KDM5A: variants seen among roughly 807,000 people sequenced by gnomAD.
KDM5A encodes lysine demethylase 5A, also known as lysine-specific demethylase 5A.
A neutral mutation model predicts 193.5 loss-of-function variants in KDM5A; 42 were observed. The ratio of observed to expected loss-of-function variants is 0.22; its 90% CI spans 0.17 to 0.28. KDM5A has a LOEUF of 0.28. KDM5A is among the 10% of genes least tolerant of loss of function. The pLI, the probability that KDM5A is intolerant of heterozygous loss-of-function variation, is 1.00. For synonymous variants in KDM5A, 796 were observed against 718.1 expected (o/e 1.11, Z -1.73); for missense variants, 1,692 against 2,055.1 (o/e 0.82, Z 3.42).
At chr12:292,700 G>C (rs1411998926) in intron 27 of KDM5A, 59 bp downstream of exon 27, 2 of 1,607,270 alleles carry the variant, frequency 1.2e-6, no homozygotes, top group African/African-American at 2.7e-5. Flanking sequence ...TCAAACATGT[G>C]TCTCCACAAC....
At chr12:340,795 T>C (rs1943995145) in intron 10 of KDM5A, among the ~76,000 whole-genome samples, 1 of 146,202 alleles carries the variant, frequency 6.8e-6, no homozygotes, top group Admixed American at 6.9e-5. Context: ...AGGTTAAAAG[T>C]AATATGTTAC....
chr12:331,186 T>C (rs1943862016), intron 13 of KDM5A, among the ~76,000 whole-genome samples: 1 of 152,156 alleles, frequency 6.6e-6, no homozygotes. Flanking sequence ...GCTACGTATT[T>C]GAAAATATGG....
In KDM5A at chr12:311,061, C is replaced by T. The variant is rs1419773656; in HGVS notation, c.3040G>A (p.Gly1014Ser). The T allele has an allele frequency of 1.2e-6, 2 of 1,614,134 alleles. No individual in the cohort carries two copies. The highest frequency in any genetic ancestry group is 1.7e-6 in the Non-Finnish European group (2 of 1,180,008). ...WTAKVEAIQS[G>S]SNYAYLEQLE... ...TGCTCCAAATAAGCGTAATTGCTGC[C>T]ACTCTGAAAAACCAAAGTAGATTCT... The change falls in exon 21 of 28, where the codon GGC becomes AGC. Residue 1014 changes from glycine (G) to serine (S), a missense_variant. Physicochemically the swap from Gly to Ser is moderately conservative, Grantham distance 56 (BLOSUM62 0). Transcript: ENST00000399788.
At chr12:302,106 T>C (rs996973282) in intron 24 of KDM5A, among the ~76,000 whole-genome samples, 10 of 152,146 alleles carry the variant, frequency 6.6e-5, no homozygotes, top group African/African-American at 2.4e-4. Flanking sequence ...CCCAAAGTAA[T>C]TTACAGATTC....
chr12:361,153 C>T (rs923387643), intron 5 of KDM5A, among the ~76,000 whole-genome samples: 1 of 151,982 alleles, frequency 6.6e-6, no homozygotes, highest in African/African-American at 2.4e-5. Flanking sequence ...AATACAGTGA[C>T]AACTATCACA....
intron 3 of KDM5A, among the ~76,000 whole-genome samples, chr12:376,730 G>A (rs551587559): frequency 6.6e-6 from 1 of 152,228 alleles, no homozygotes; most frequent in African/African-American, 2.4e-5. Flanking sequence ...AACATCTAGA[G>A]ACAGTTTTAA....
chr12:304,446 CTTTTTTT>C (rs67930424), intron 24 of KDM5A, among the ~76,000 whole-genome samples: 7 of 112,584 alleles, frequency 6.2e-5, no homozygotes, highest in African/African-American at 1.0e-4. Flanking sequence ...AGAGTATAGG[CTTTTTTT>C]TTTTTTTTTT....
At chr12:334,213 T>G in intron 11 of KDM5A, 28 bp downstream of exon 11, 1 of 1,594,794 alleles carries the variant, frequency 6.3e-7, no homozygotes, top group Non-Finnish European at 8.6e-7. Flanking sequence ...GTAGAGTTCA[T>G]GCATGCTGTA....
intron 27 of KDM5A, among the ~76,000 whole-genome samples, chr12:292,307 G>T (rs1472649805): frequency 1.3e-5 from 2 of 152,192 alleles, no homozygotes; most frequent in African/African-American, 2.4e-5. Context: ...GTAAGATATG[G>T]ACTAAAAGTT....
At chr12:377,564 T>C (rs1392417508) in intron 3 of KDM5A, among the ~76,000 whole-genome samples, 1 of 152,174 alleles carries the variant, frequency 6.6e-6, no homozygotes, top group Non-Finnish European at 1.5e-5. Context: ...GAGTAAAGCT[T>C]TCAAAATACT....
At position 283,024 on chromosome 12, in the gene KDM5A, G is replaced by A. The variant is rs558264875; in HGVS notation, c.*2432C>T. On this transcript the variant is annotated 3_prime_UTR_variant, in exon 28 of 28. Coordinates refer to ENST00000399788, the MANE Select transcript of KDM5A (RefSeq NM_001042603.3). ...ATACAGAAAATCCCACAGTATCAAC[G>A]AAAAGACATATTTAAGTTTCAAAAC... The A allele has an allele frequency of 9.1e-5, 21 of 231,460 alleles. No individual in the cohort carries two copies. In the East Asian group the frequency reaches 1.1e-3, roughly 12 times the overall value. The allele number at this position is 231,460 out of a possible 1,614,324, so 14.3% of individuals were successfully genotyped here.
Position 313,125 on chromosome 12 carries a change from G to A in KDM5A, c.2967C>T (p.Pro989=), listed in dbSNP as rs2137397130. 1.2e-6 allele frequency: 2 copies of A among 1,614,012 alleles called. No individual in the cohort carries two copies. The highest frequency in any genetic ancestry group is 8.5e-7 in the Non-Finnish European group (1 of 1,179,910). Residue 989 remains proline (P), a synonymous_variant, in exon 20 of 28, where the codon CCC becomes CCT. Transcript: ENST00000399788. ...AGGCTTCTTTCAAGGACAACACATTGGGTAGAAAGGCTGGAATGTTCTTGG... is the reference window on the plus strand; with the variant it reads ...AGGCTTCTTTCAAGGACAACACATTAGGTAGAAAGGCTGGAATGTTCTTGG... ...NEAKNIPAFL[P]NVLSLKEALQ...
At chr12:320,456 A>G (rs1943703718) in intron 18 of KDM5A, among the ~76,000 whole-genome samples, 1 of 152,170 alleles carries the variant, frequency 6.6e-6, no homozygotes, top group Non-Finnish European at 1.5e-5. Flanking sequence ...AGATCTCGCC[A>G]CTGCACTCCA....
rs1254820504 is a variant in KDM5A at position 280,369 on chromosome 12, A to T, written c.*5087T>A. On this transcript the variant is annotated 3_prime_UTR_variant, in exon 28 of 28. Coordinates refer to ENST00000399788, the MANE Select transcript of KDM5A (RefSeq NM_001042603.3). ...AGGGTCCAACACAATTTTTTTTTTT[A>T]ATGGACTTGCCACCTTAAGAAACTT... The T allele has an allele frequency of 4.3e-6, 1 of 232,170 alleles. No homozygotes were observed. Among genetic ancestry groups the T allele is most frequent in the Non-Finnish European group, 8.5e-6 (1 of 117,710 alleles). 14.4% of individuals were successfully genotyped at this position (232,170 alleles called of 1,614,324 possible).
intron 9 of KDM5A, among the ~76,000 whole-genome samples, chr12:351,045 G>T (rs1282325511): frequency 2.0e-5 from 3 of 152,168 alleles, no homozygotes; most frequent in Non-Finnish European, 2.9e-5. Flanking sequence ...GATGAACTAG[G>T]AAATCAAGGA....
intron 3 of KDM5A, among the ~76,000 whole-genome samples, chr12:377,033 G>GC (rs1944514097): frequency 8.5e-5 from 8 of 93,876 alleles, no homozygotes; most frequent in Non-Finnish European, 1.5e-4. Context: ...TCTAAAACAA[G>GC]GAAAAAAAAA....
chr12:296,490 T>G (rs1030511858), intron 25 of KDM5A, among the ~76,000 whole-genome samples: 1 of 152,174 alleles, frequency 6.6e-6, no homozygotes, highest in Non-Finnish European at 1.5e-5. Flanking sequence ...CTGGTTGTCT[T>G]TCTAATGAAC....
chr12:365,287 C>CA (rs1474793036), intron 4 of KDM5A, among the ~76,000 whole-genome samples: 2 of 152,166 alleles, frequency 1.3e-5, no homozygotes. Context: ...CTTCTGGCCT[C>CA]AAACGATCCA....
At position 330,000 on chromosome 12, in the gene KDM5A, C is replaced by T. The variant is rs143256217; in HGVS notation, c.1774-971G>A. Among the ~76,000 whole-genome samples, 34 of 151,820 alleles carry T rather than the reference C, an allele frequency of 2.2e-4. No homozygotes were observed. The Middle Eastern group carries it at 0.01, about 46-fold the overall frequency. ...AAGCAAAGAAAATTTGAGGCTATCT[C>T]TGAATTATGCAGTGTTTCCATACTC... On this transcript the variant is annotated intron_variant, in intron 13 of 27. Transcript: ENST00000399788.
Sources: gnomAD v4.1 joint callset for allele counts (sites outside exome capture counted in the v4.1 genomes callset) on GRCh38, gnomAD v4.1.1 for gene constraint, MANE v1.5 for transcripts, NCBI Gene and HGNC (gene_info 2026-07-23, HGNC 2026-07-21) for gene names.